PDE11A: variants seen among roughly 807,000 people sequenced by gnomAD.
PDE11A encodes phosphodiesterase 11A.
In PDE11A, 100 loss-of-function variants were observed where a neutral mutation model predicts 100.5. The ratio of observed to expected loss-of-function variants is 1.00; its 90% CI spans 0.85 to 1.18. PDE11A has a LOEUF of 1.18. PDE11A is among the 50% of genes most tolerant of loss of function. PDE11A has a pLI of 0.00. For synonymous variants in PDE11A, 381 were observed against 420.8 expected, an observed-to-expected ratio of 0.91 and a Z score of 1.16; for missense variants, 1,141 against 1,152.6, an observed-to-expected ratio of 0.99 and a Z score of 0.15.
At chr2:177,902,277 C>G (rs2084710039) in intron 3 of PDE11A, among the ~76,000 whole-genome samples, 1 of 152,088 alleles carries the variant, frequency 6.6e-6, no homozygotes, top group Non-Finnish European at 1.5e-5. Flanking sequence ...TCTCCCCCGC[C>G]CTTAAGAATG....
chr2:177,954,809 T>G (rs2085541923), intron 2 of PDE11A, among the ~76,000 whole-genome samples: 10 of 152,204 alleles, frequency 6.6e-5, no homozygotes. Context: ...TCTGAGAATC[T>G]GATTCAATTG....
intron 2 of PDE11A, among the ~76,000 whole-genome samples, chr2:177,909,092 T>A (rs1272031863): frequency 6.6e-6 from 1 of 152,114 alleles, no homozygotes; most frequent in African/African-American, 2.4e-5. Flanking sequence ...ATTTTACACA[T>A]CTAGCAAATG....
intron 9 of PDE11A, among the ~76,000 whole-genome samples, chr2:177,785,592 A>C (rs2082521952): frequency 1.3e-5 from 2 of 152,202 alleles, no homozygotes; most frequent in South Asian, 2.1e-4. Flanking sequence ...GCATTGCCTC[A>C]CTCGGGAAGC....
At chr2:177,852,731 T>C (rs1465619181) in intron 5 of PDE11A, among the ~76,000 whole-genome samples, 6 of 152,148 alleles carry the variant, frequency 3.9e-5, no homozygotes, top group East Asian at 1.9e-4. Context: ...TATAAAGTAA[T>C]GGGAGAGAGT....
At chr2:177,675,903 G>C (rs991688387) in intron 16 of PDE11A, 1 of 336,736 alleles carries the variant, frequency 3.0e-6, no homozygotes, top group Middle Eastern at 1.1e-3. Flanking sequence ...ATACATGGCT[G>C]ATGAAACTAC....
intron 10 of PDE11A, among the ~76,000 whole-genome samples, chr2:177,730,745 A>G (rs1434525983): frequency 1.3e-5 from 2 of 151,982 alleles, no homozygotes; most frequent in East Asian, 1.9e-4. Flanking sequence ...TGACAATTCT[A>G]TTTGTCATTT....
intron 1 of PDE11A, among the ~76,000 whole-genome samples, chr2:178,107,721 CTTTTTTTTTT>C: frequency 8.1e-6 from 1 of 123,052 alleles, no homozygotes; most frequent in East Asian, 2.3e-4. Context: ...CTTTTTTTTT[CTTTTTTTTTT>C]TTTTTTTTGA....
At chr2:178,068,231 G>C (rs2087074774) in intron 1 of PDE11A, among the ~76,000 whole-genome samples, 1 of 144,334 alleles carries the variant, frequency 6.9e-6, no homozygotes. Flanking sequence ...AAAAATGAAT[G>C]TTTTTTTTTT....
intron 1 of PDE11A, among the ~76,000 whole-genome samples, chr2:178,062,591 G>A (rs2086986779): frequency 6.6e-6 from 1 of 152,132 alleles, no homozygotes; most frequent in South Asian, 2.1e-4. Context: ...TCCCAAGCCT[G>A]CAGTTCTTAA....
intron 1 of PDE11A, among the ~76,000 whole-genome samples, chr2:178,064,909 T>C (rs2087024830): frequency 6.6e-6 from 1 of 152,110 alleles, no homozygotes; most frequent in Non-Finnish European, 1.5e-5. Flanking sequence ...AAGCTATATT[T>C]TATGATAGGA....
intron 7 of PDE11A, 68 bp downstream of exon 7, chr2:177,820,152 T>C: frequency 2.4e-6 from 2 of 842,854 alleles, no homozygotes; most frequent in Non-Finnish European, 4.1e-6. Flanking sequence ...AAAAAAGATA[T>C]GGGAATATTT....
At chr2:177,825,238 T>C (rs1291947150) in intron 6 of PDE11A, among the ~76,000 whole-genome samples, 1 of 152,136 alleles carries the variant, frequency 6.6e-6, no homozygotes, top group Non-Finnish European at 1.5e-5. Flanking sequence ...CTGCAACTAT[T>C]CAGAGCTGGA....
chr2:178,076,572 A>G (rs2087210303), upstream of PDE11A, among the ~76,000 whole-genome samples: 1 of 152,126 alleles, frequency 6.6e-6, no homozygotes, highest in African/African-American at 2.4e-5. Flanking sequence ...ACATCTCACA[A>G]TTTGGTATTA....
chr2:177,943,383 TG>T (rs35696051), intron 2 of PDE11A, among the ~76,000 whole-genome samples: 9,605 of 152,278 alleles, frequency 0.063, 313 homozygotes, highest in South Asian at 0.094. Flanking sequence ...TACTAACATT[TG>T]GTCTTTTCTT....
At chr2:177,914,477 G>A (rs1032128038) in intron 2 of PDE11A, among the ~76,000 whole-genome samples, 4 of 152,120 alleles carry the variant, frequency 2.6e-5, no homozygotes, top group African/African-American at 9.7e-5. Context: ...TTATAAGCAG[G>A]TTGACCTACA....
intron 1 of PDE11A, among the ~76,000 whole-genome samples, chr2:178,039,495 A>C (rs1381120851): frequency 6.6e-6 from 1 of 152,080 alleles, no homozygotes; most frequent in Non-Finnish European, 1.5e-5. Flanking sequence ...GTTTACCTAT[A>C]TAACAAACCT....
At chr2:177,878,284 C>T (rs1213581109) in intron 4 of PDE11A, among the ~76,000 whole-genome samples, 1 of 152,188 alleles carries the variant, frequency 6.6e-6, no homozygotes, top group Non-Finnish European at 1.5e-5. Context: ...TTCTTCTCTT[C>T]CATGTAACCC....
At chr2:177,810,079 A>G (rs1463546633) in intron 9 of PDE11A, among the ~76,000 whole-genome samples, 1 of 148,974 alleles carries the variant, frequency 6.7e-6, no homozygotes, top group Non-Finnish European at 1.5e-5. Context: ...CTCCCCAAAT[A>G]AAAGCGCAAC....
At chr2:177,951,205 A>G (rs1375773945) in intron 2 of PDE11A, among the ~76,000 whole-genome samples, 1 of 152,208 alleles carries the variant, frequency 6.6e-6, no homozygotes, top group Non-Finnish European at 1.5e-5. Flanking sequence ...AAGAAGAATG[A>G]TATTTATAAG....
Sources: gnomAD v4.1 joint callset for allele counts (sites outside exome capture counted in the v4.1 genomes callset) on GRCh38, gnomAD v4.1.1 for gene constraint, MANE v1.5 for transcripts, NCBI Gene and HGNC (gene_info 2026-07-23, HGNC 2026-07-21) for gene names.